Variants in TMC1 observed in about 807,000 individuals in gnomAD.
TMC1 encodes the protein transmembrane channel-like protein 1.
In TMC1, 84 loss-of-function variants were observed where a neutral mutation model predicts 105.8. The observed-to-expected ratio is 0.79, with a 90% CI of 0.67 to 0.95. The LOEUF is 0.95. Ranked by LOEUF, TMC1 falls within the 40% of genes least tolerant of loss-of-function variation. The probability of loss-of-function intolerance (pLI) is 0.00; values close to 1 mark genes in which losing one functional copy is unlikely to be tolerated. For synonymous variants in TMC1, 315 were observed against 311.5 expected (o/e 1.01, Z -0.12); for missense variants, 817 against 914.1 (o/e 0.89, Z 1.37).
chr9:72,715,555 G>A (rs1826902917), intron 8 of TMC1, among the ~76,000 whole-genome samples: 1 of 151,726 alleles, frequency 6.6e-6, no homozygotes, highest in Admixed American at 6.6e-5. Flanking sequence ...GATCGATTCG[G>A]CTATTCATAC....
In TMC1 at chr9:72,838,018, C is replaced by T. The variant is rs1018468712; in HGVS notation, c.*2045C>T. On this transcript the variant is annotated 3_prime_UTR_variant, in exon 24 of 24. Coordinates refer to ENST00000297784, the MANE Select transcript of TMC1 (RefSeq NM_138691.3). ...TGATGCATGGATTATCTTTCTTGTC[C>T]TTATTGTAAATTCTCTGTGAGCAGG... 8 of 152,048 alleles carry T rather than the reference C, an allele frequency of 5.3e-5. No individual in the cohort carries two copies. Among genetic ancestry groups the T allele is most frequent in the African/African-American group, 1.9e-4 (8 of 41,382 alleles). The allele number at this position is 152,048 out of a possible 1,614,324, so 9.4% of individuals were successfully genotyped here.
intron 13 of TMC1, among the ~76,000 whole-genome samples, chr9:72,773,573 G>A (rs1317105382): frequency 6.6e-6 from 1 of 152,236 alleles, no homozygotes; most frequent in East Asian, 1.9e-4. Context: ...AGTGTAATCA[G>A]AGACCTCAAA....
intron 12 of TMC1, among the ~76,000 whole-genome samples, chr9:72,763,201 A>G (rs1827783214): frequency 6.6e-6 from 1 of 151,092 alleles, no homozygotes; most frequent in African/African-American, 2.4e-5. Context: ...TTAGGGATGC[A>G]TATGATCCTA....
chr9:72,716,581 T>C (rs1260725403), intron 8 of TMC1, among the ~76,000 whole-genome samples: 2 of 152,128 alleles, frequency 1.3e-5, no homozygotes, highest in Non-Finnish European at 2.9e-5. Flanking sequence ...AACCCCCTAC[T>C]CAAGCCTCAG....
intron 7 of TMC1, among the ~76,000 whole-genome samples, chr9:72,695,736 A>G (rs1157559490): frequency 6.6e-6 from 1 of 152,198 alleles, no homozygotes. Flanking sequence ...GAAGCTTAGC[A>G]TTAACAAAAA....
At chr9:72,603,632 C>A (rs922442639) in intron 2 of TMC1, among the ~76,000 whole-genome samples, 3 of 152,022 alleles carry the variant, frequency 2.0e-5, no homozygotes, top group African/African-American at 7.3e-5. Flanking sequence ...TCACTGCAAC[C>A]TCTGCCTTTT....
intron 10 of TMC1, among the ~76,000 whole-genome samples, chr9:72,746,649 A>G (rs1827494465): frequency 6.6e-6 from 1 of 152,242 alleles, no homozygotes; most frequent in Admixed American, 6.5e-5. Flanking sequence ...TTGCAGAATC[A>G]AGAGCGGGAC....
At position 72,629,828 on chromosome 9, in the gene TMC1, T is replaced by A. The variant is rs138519798; in HGVS notation, c.-53+1765T>A. On this transcript the variant is annotated intron_variant, in intron 4 of 23. Transcript: ENST00000297784. ...ATAACCTTTTAAAATTGTCTCAATA[T>A]GATAGATATTTTCCTTCTGTTTTGG... Among the ~76,000 whole-genome samples the A allele has an allele frequency of 3.4e-4, 52 of 152,266 alleles. 1 individual carries two copies. In the East Asian group the frequency reaches 8.9e-3, roughly 26 times the overall value.
At chr9:72,805,774 T>C (rs2118240631) in intron 18 of TMC1, among the ~76,000 whole-genome samples, 1 of 152,052 alleles carries the variant, frequency 6.6e-6, no homozygotes, top group East Asian at 1.9e-4. Context: ...TTCAAGCATC[T>C]GTTTAACAAA....
chr9:72,835,905 C>G, intron 23 of TMC1, 46 bp from the exon 24 acceptor site: 1 of 1,576,284 alleles, frequency 6.3e-7, no homozygotes, highest in Non-Finnish European at 8.6e-7. Context: ...TCTTCTCTCT[C>G]TCTCTCCTTG....
intron 1 of TMC1, among the ~76,000 whole-genome samples, chr9:72,533,859 G>A (rs1408084428): frequency 6.6e-6 from 1 of 152,142 alleles, no homozygotes; most frequent in African/African-American, 2.4e-5. Context: ...CTGGCCAGGT[G>A]CAGTGACTCA....
At chr9:72,616,616 A>G (rs1304336099) in intron 3 of TMC1, 139 bp downstream of exon 3, 2 of 151,008 alleles carry the variant, frequency 1.3e-5, no homozygotes, top group African/African-American at 2.4e-5. Context: ...TTGAAGTCCA[A>G]TAAGAACAGA....
intron 23 of TMC1, among the ~76,000 whole-genome samples, chr9:72,835,140 C>G (rs542205089): frequency 7.2e-5 from 11 of 152,262 alleles, no homozygotes; most frequent in African/African-American, 2.6e-4. Flanking sequence ...CCTTCTCCAT[C>G]TTCCTCCCCA....
intron 12 of TMC1, among the ~76,000 whole-genome samples, chr9:72,768,569 A>G (rs1478269427): frequency 6.6e-6 from 1 of 152,230 alleles, no homozygotes; most frequent in South Asian, 2.1e-4. Flanking sequence ...CAAACTGCAG[A>G]AACCTTTGTG....
At chr9:72,556,530 G>A (rs1823943542) in intron 1 of TMC1, among the ~76,000 whole-genome samples, 5 of 151,584 alleles carry the variant, frequency 3.3e-5, no homozygotes, top group Admixed American at 3.3e-4. Flanking sequence ...CTAAAACATT[G>A]GTTCTCAGAC....
chr9:72,751,159 ATCTTACATATT>A (rs1827574369), intron 10 of TMC1, among the ~76,000 whole-genome samples: 1 of 152,138 alleles, frequency 6.6e-6, no homozygotes, highest in Non-Finnish European at 1.5e-5. Flanking sequence ...CTTTCTATGT[ATCTTACATATT>A]TGTTGTATCC....
chr9:72,688,874 T>A, intron 6 of TMC1, 118 bp downstream of exon 6: 1 of 859,094 alleles, frequency 1.2e-6, no homozygotes, highest in South Asian at 1.4e-5. Context: ...GTGGATAACT[T>A]TTCATGGTCT....
chr9:72,662,592 A>T (rs1057029848), intron 5 of TMC1, among the ~76,000 whole-genome samples: 2 of 152,056 alleles, frequency 1.3e-5, no homozygotes, highest in African/African-American at 2.4e-5. Flanking sequence ...ATCAGATCTC[A>T]TCTTTTATAT....
At chr9:72,655,786 T>G in intron 5 of TMC1, 2 of 593,278 alleles carry the variant, frequency 3.4e-6, no homozygotes, top group East Asian at 5.7e-5. Context: ...TTGTTTCATT[T>G]TTTTTTAATT....
Sources: allele counts gnomAD v4.1 joint callset (sites outside exome capture counted in the v4.1 genomes callset), GRCh38; gene constraint gnomAD v4.1.1; transcripts MANE v1.5; gene names NCBI Gene and HGNC (gene_info 2026-07-23, HGNC 2026-07-21).